The following PHACTR1 variants were observed in gnomAD, a reference collection of about 807,000 sequenced individuals.
PHACTR1 encodes phosphatase and actin regulator 1.
Under a neutral mutation model 69.2 loss-of-function variants are expected in PHACTR1, and 16 were observed. The ratio of observed to expected loss-of-function variants is 0.23; its 90% CI spans 0.16 to 0.35. The LOEUF (loss-of-function observed/expected upper bound fraction) is 0.35. Ranked by LOEUF, PHACTR1 falls within the 10% of genes least tolerant of loss-of-function variation. The pLI, the probability that PHACTR1 is intolerant of heterozygous loss-of-function variation, is 1.00. For missense variants in PHACTR1, 510 were observed against 734.7 expected (o/e 0.69, Z 3.54); for synonymous variants, 312 against 284.5 (o/e 1.10, Z -0.97).
At chr6:13,200,317 T>G (rs1765035765) in intron 7 of PHACTR1, among the ~76,000 whole-genome samples, 1 of 152,122 alleles carries the variant, frequency 6.6e-6, no homozygotes, top group Admixed American at 6.5e-5. Flanking sequence ...TTCAAGCGAT[T>G]CTCCTGCCTC....
intron 5 of PHACTR1, among the ~76,000 whole-genome samples, chr6:13,082,562 C>A (rs1329353177): frequency 6.6e-6 from 1 of 152,254 alleles, no homozygotes; most frequent in Non-Finnish European, 1.5e-5. Context: ...ACAGTCCCAC[C>A]AACAGTGTAA....
chr6:12,933,696 G>T (rs370177537), intron 4 of PHACTR1: 1 of 1,612,816 alleles, frequency 6.2e-7, no homozygotes, highest in Non-Finnish European at 8.5e-7. Flanking sequence ...ACTCTTGGGC[G>T]TCCTCTTGGG....
At chr6:12,974,459 G>T (rs997555969) in intron 4 of PHACTR1, among the ~76,000 whole-genome samples, 1 of 152,046 alleles carries the variant, frequency 6.6e-6, no homozygotes, top group East Asian at 1.9e-4. Flanking sequence ...CAAATGTCCC[G>T]GCCCGTTAAC....
In PHACTR1 at chr6:13,057,100, T is replaced by G. The variant is rs180818397; in HGVS notation, c.415+3571T>G. Among the ~76,000 whole-genome samples the G allele has an allele frequency of 3.3e-5, 5 of 152,258 alleles. No individual in the cohort carries two copies. The East Asian group carries it at 9.6e-4, about 29-fold the overall frequency. On this transcript the variant is annotated intron_variant, in intron 5 of 14. Transcript: ENST00000332995. ...TATTTGATAATAGCGTAGACTATAG[T>G]TAAGAATTTTTTATACATTTCAAAT... is the stretch of plus-strand genomic sequence containing the variant.
At chr6:13,190,503 T>G (rs1025823427) in intron 7 of PHACTR1, among the ~76,000 whole-genome samples, 3 of 152,068 alleles carry the variant, frequency 2.0e-5, no homozygotes, top group African/African-American at 7.2e-5. Flanking sequence ...ACAGCATGAC[T>G]CAAGGACAAA....
At chr6:12,963,900 C>T (rs1205833929) in intron 4 of PHACTR1, among the ~76,000 whole-genome samples, 1 of 152,268 alleles carries the variant, frequency 6.6e-6, no homozygotes, top group East Asian at 1.9e-4. Context: ...AGGTTCATAA[C>T]TTGCCCAAAA....
chr6:12,925,171 C>T (rs929879851), intron 4 of PHACTR1, among the ~76,000 whole-genome samples: 9 of 152,226 alleles, frequency 5.9e-5, no homozygotes, highest in African/African-American at 2.2e-4. Context: ...GCAATGCAAA[C>T]TTCAAGAACA....
intron 4 of PHACTR1, among the ~76,000 whole-genome samples, chr6:12,763,030 G>A (rs1269714047): frequency 2.0e-5 from 3 of 152,014 alleles, no homozygotes; most frequent in African/African-American, 4.8e-5. Flanking sequence ...CCTGACCAAC[G>A]TGGAGAAACC....
At chr6:13,273,536 T>C (rs2127453006) in intron 11 of PHACTR1, 1 of 152,328 alleles carries the variant, frequency 6.6e-6, no homozygotes, top group East Asian at 1.9e-4. Flanking sequence ...AATGAGCCCC[T>C]TGTTTGGTTT....
At chr6:13,247,696 A>G (rs1773783764) in intron 10 of PHACTR1, among the ~76,000 whole-genome samples, 1 of 151,928 alleles carries the variant, frequency 6.6e-6, no homozygotes, top group East Asian at 1.9e-4. Flanking sequence ...CTTCCTATAC[A>G]CTAACATGAC....
chr6:13,092,256 C>A (rs1334210165), intron 5 of PHACTR1, among the ~76,000 whole-genome samples: 1 of 152,196 alleles, frequency 6.6e-6, no homozygotes, highest in Non-Finnish European at 1.5e-5. Context: ...AGGCCACAGA[C>A]CAGTCCTGGG....
chr6:13,266,256 C>T (rs1200531808), intron 10 of PHACTR1, among the ~76,000 whole-genome samples: 1 of 152,116 alleles, frequency 6.6e-6, no homozygotes, highest in Non-Finnish European at 1.5e-5. Context: ...ACTGCCACAG[C>T]CTCGCCCAAG....
At chr6:12,886,990 A>T (rs957653443) in intron 4 of PHACTR1, among the ~76,000 whole-genome samples, 3 of 152,100 alleles carry the variant, frequency 2.0e-5, no homozygotes, top group Non-Finnish European at 4.4e-5. Context: ...TGCAGCTCCA[A>T]TGTGATAAAA....
At chr6:13,185,032 GCAGTCCCTCCTTCCCTTCAAGGGA>G in intron 7 of PHACTR1, 5 of 1,333,014 alleles carry the variant, frequency 3.8e-6, no homozygotes, top group Non-Finnish European at 5.0e-6. Flanking sequence ...TCTGGGGCAA[GCAGTCCCTCCTTCCCTTCAAGGGA>G]TTTTCTTTTT....
intron 4 of PHACTR1, among the ~76,000 whole-genome samples, chr6:12,844,104 C>A (rs951322709): frequency 1.4e-4 from 22 of 152,076 alleles, no homozygotes; most frequent in African/African-American, 5.3e-4. Flanking sequence ...TAAAATTTAA[C>A]AAGAATCAGG....
At chr6:13,174,976 C>CATA (rs1262238239) in intron 6 of PHACTR1, among the ~76,000 whole-genome samples, 2 of 152,186 alleles carry the variant, frequency 1.3e-5, no homozygotes, top group Non-Finnish European at 2.9e-5. Flanking sequence ...AAAAGTCCAA[C>CATA]ATAATGCTGG....
chr6:12,758,355 T>C (rs1434579386), intron 4 of PHACTR1, among the ~76,000 whole-genome samples: 2 of 150,722 alleles, frequency 1.3e-5, no homozygotes, highest in Non-Finnish European at 1.5e-5. Flanking sequence ...GGCAGGAGAA[T>C]TGCTTGAACC....
chr6:12,893,771 C>A (rs1213434327), intron 4 of PHACTR1, among the ~76,000 whole-genome samples: 1 of 152,232 alleles, frequency 6.6e-6, no homozygotes, highest in Non-Finnish European at 1.5e-5. Flanking sequence ...GGACAAGCAG[C>A]TCTCCACACA....
chr6:13,120,116 T>C (rs1437393253), intron 5 of PHACTR1, among the ~76,000 whole-genome samples: 2 of 152,190 alleles, frequency 1.3e-5, no homozygotes, highest in Non-Finnish European at 2.9e-5. Context: ...CCCTTGCCAG[T>C]GTCTCAAGAG....
Sources: allele counts gnomAD v4.1 joint callset (sites outside exome capture counted in the v4.1 genomes callset), GRCh38; gene constraint gnomAD v4.1.1; transcripts MANE v1.5; gene names NCBI Gene and HGNC (gene_info 2026-07-23, HGNC 2026-07-21).